PDS5A: variants seen among roughly 807,000 people sequenced by gnomAD.
PDS5A encodes the protein PDS5 cohesin associated factor A, also known as sister chromatid cohesion protein PDS5 homolog A.
PDS5A carries 42 observed loss-of-function variants against 167.1 expected under a neutral mutation model. The observed-to-expected ratio is 0.25, with a 90% confidence interval of 0.20 to 0.33. The LOEUF (loss-of-function observed/expected upper bound fraction) is 0.33, where lower values mean the gene tolerates loss of function less well. PDS5A is among the 10% of genes least tolerant of loss of function. PDS5A has a pLI of 1.00. For missense variants in PDS5A, 1,033 were observed against 1,605.9 expected, an observed-to-expected ratio of 0.64 and a Z score of 6.10; for synonymous variants, 553 against 554.6, an observed-to-expected ratio of 1.00 and a Z score of 0.04.
chr4:39,933,563 C>T (rs184026144), intron 2 of PDS5A: 1 of 152,072 alleles, frequency 6.6e-6, no homozygotes, highest in East Asian at 1.9e-4. Context: ...CTGATGCAGA[C>T]TTCCCAGATT....
intron 2 of PDS5A, among the ~76,000 whole-genome samples, chr4:39,935,592 T>C (rs896989789): frequency 9.2e-5 from 14 of 152,220 alleles, no homozygotes; most frequent in African/African-American, 2.7e-4. Flanking sequence ...TGCTATACCA[T>C]GTAGGCCTAT....
Position 39,879,653 on chromosome 4 carries a change from C to T in PDS5A, c.1992+75G>A. ...ATAGTTTCCTGTGAAATAAGCCTGA[C>T]TCTTGCATATCCTGAAGGGAAGGCA... is the stretch of plus-strand genomic sequence containing the variant. On this transcript the variant is annotated intron_variant, in intron 18 of 32. Coordinates refer to ENST00000303538, the MANE Select transcript of PDS5A (RefSeq NM_001100399.2). 5.1e-6 allele frequency: 4 copies of T among 783,436 alleles called. No homozygotes were observed. The South Asian group carries it at 6.2e-5, about 12-fold the overall frequency. 48.5% of individuals were successfully genotyped at this position (783,436 alleles called of 1,614,324 possible).
intron 2 of PDS5A, among the ~76,000 whole-genome samples, chr4:39,955,215 A>G (rs1728812028): frequency 6.6e-6 from 1 of 152,196 alleles, no homozygotes. Flanking sequence ...ACATGAATAG[A>G]ACATTTGGGA....
At chr4:39,861,100 T>G (rs900602708) in intron 26 of PDS5A, among the ~76,000 whole-genome samples, 2 of 151,406 alleles carry the variant, frequency 1.3e-5, no homozygotes, top group South Asian at 4.2e-4. Flanking sequence ...AATGAAGATC[T>G]TATACAGGCA....
chr4:39,835,263 C>A (rs1325618770), intron 32 of PDS5A, among the ~76,000 whole-genome samples: 2 of 151,894 alleles, frequency 1.3e-5, no homozygotes, highest in Non-Finnish European at 2.9e-5. Context: ...TTAATTTAAC[C>A]ACCTACTGTC....
At chr4:39,909,051 A>AAAATAAAAT (rs1212064924) in intron 10 of PDS5A, among the ~76,000 whole-genome samples, 1 of 99,038 alleles carries the variant, frequency 1.0e-5, no homozygotes, top group African/African-American at 4.3e-5. Flanking sequence ...AAAATAAAAT[A>AAAATAAAAT]AAATAAAATA....
chr4:39,914,582 C>T (rs1724188425), intron 8 of PDS5A, among the ~76,000 whole-genome samples: 1 of 152,098 alleles, frequency 6.6e-6, no homozygotes, highest in Admixed American at 6.5e-5. Context: ...TGAAGGTCAG[C>T]TTAAATACTA....
At chr4:39,902,723 A>G (rs1469910654) in intron 12 of PDS5A, among the ~76,000 whole-genome samples, 1 of 152,028 alleles carries the variant, frequency 6.6e-6, no homozygotes, top group Non-Finnish European at 1.5e-5. Flanking sequence ...AGGTGTCCCT[A>G]TGTTGCCAAG....
At chr4:39,950,978 A>G (rs1228964009) in intron 2 of PDS5A, among the ~76,000 whole-genome samples, 1 of 151,948 alleles carries the variant, frequency 6.6e-6, no homozygotes, top group African/African-American at 2.4e-5. Context: ...ATCATAGCTC[A>G]CTGCAGCCTT....
chr4:39,855,962 A>G lies in PDS5A; in HGVS notation c.3086+6257T>C, dbSNP rs370742456. 1.2e-4 allele frequency among the ~76,000 whole-genome samples: 18 copies of G among 152,348 alleles called. No individual in the cohort carries two copies. The East Asian group carries it at 3.1e-3, about 26-fold the overall frequency. On this transcript the variant is annotated intron_variant, in intron 26 of 32. Coordinates refer to ENST00000303538, the MANE Select transcript of PDS5A (RefSeq NM_001100399.2). ...ACTTGCAAATTTTATGAAAGATGTG[A>G]ATTTATACATCCAAGAAACTCAGTG...
Position 39,891,602 on chromosome 4 carries a change from C to T in PDS5A, c.1771-1238G>A, listed in dbSNP as rs374589954. On this transcript the variant is annotated intron_variant, in intron 16 of 32. Coordinates refer to ENST00000303538, the MANE Select transcript of PDS5A (RefSeq NM_001100399.2). ...GGCGGAGGCTGCGGTGAGCTGAGAT[C>T]GTGCCATTGCACTCCAGCCTGGGGA... Among the ~76,000 whole-genome samples, 11 of 151,794 alleles carry T rather than the reference C, an allele frequency of 7.2e-5. No homozygotes were observed. The East Asian group carries it at 1.8e-3, about 25-fold the overall frequency.
intron 17 of PDS5A, among the ~76,000 whole-genome samples, chr4:39,880,243 C>T (rs1352784364): frequency 1.3e-5 from 2 of 151,952 alleles, no homozygotes; most frequent in Admixed American, 1.3e-4. Context: ...ATGAATTAAT[C>T]ACTGATAATT....
At chr4:39,886,311 A>T (rs188061129) in intron 17 of PDS5A, among the ~76,000 whole-genome samples, 8 of 152,252 alleles carry the variant, frequency 5.3e-5, no homozygotes, top group Non-Finnish European at 1.5e-5. Flanking sequence ...TTGTGGTTCC[A>T]TGTAAATGTT....
intron 17 of PDS5A, among the ~76,000 whole-genome samples, chr4:39,888,002 A>C (rs961277982): frequency 6.6e-6 from 1 of 152,216 alleles, no homozygotes; most frequent in Non-Finnish European, 1.5e-5. Context: ...CTGTAATCCC[A>C]GCACTTTGGG....
chr4:39,833,241 A>G (rs1397437081), intron 32 of PDS5A, among the ~76,000 whole-genome samples: 1 of 148,504 alleles, frequency 6.7e-6, no homozygotes, highest in Non-Finnish European at 1.5e-5. Flanking sequence ...GAGAGTCCCT[A>G]TCAGAGCAAT....
At chr4:39,905,179 A>T (rs1723225355) in intron 11 of PDS5A, among the ~76,000 whole-genome samples, 2 of 152,162 alleles carry the variant, frequency 1.3e-5, no homozygotes, top group African/African-American at 4.8e-5. Flanking sequence ...CTGACTAACC[A>T]GTGAATCTAA....
intron 21 of PDS5A, among the ~76,000 whole-genome samples, chr4:39,870,751 T>C (rs1199108444): frequency 6.6e-6 from 1 of 152,098 alleles, no homozygotes. Context: ...CAATGAGATA[T>C]CACTTCTTAT....
At chr4:39,907,685 C>G (rs934546995) in intron 11 of PDS5A, among the ~76,000 whole-genome samples, 2 of 151,444 alleles carry the variant, frequency 1.3e-5, no homozygotes, top group African/African-American at 4.8e-5. Context: ...CTCCCGGGTT[C>G]ACGCCATTCT....
intron 13 of PDS5A, 129 bp from the exon 14 acceptor site, chr4:39,900,636 G>A: frequency 4.9e-6 from 3 of 614,878 alleles, no homozygotes; most frequent in South Asian, 2.0e-5. Context: ...TTAAATACCG[G>A]GAAATATATT....
Sources: allele counts gnomAD v4.1 joint callset (sites outside exome capture counted in the v4.1 genomes callset), GRCh38; gene constraint gnomAD v4.1.1; transcripts MANE v1.5; gene names NCBI Gene and HGNC (gene_info 2026-07-23, HGNC 2026-07-21).